SMAD9: variants seen among roughly 807,000 people sequenced by gnomAD.
The protein encoded by SMAD9 is MAD homolog 9.
Under a neutral mutation model 46.1 loss-of-function variants are expected in SMAD9, and 36 were observed. The ratio of observed to expected loss-of-function variants is 0.78; its 90% CI spans 0.60 to 1.03. The LOEUF is 1.03. SMAD9 is among the 50% of genes least tolerant of loss of function. SMAD9 has a pLI of 0.00. For synonymous variants in SMAD9, 245 were observed against 237.1 expected (o/e 1.03, Z -0.31); for missense variants, 572 against 599.8 (o/e 0.95, Z 0.48).
intron 1 of SMAD9, among the ~76,000 whole-genome samples, chr13:36,900,722 CACACAT>C (rs1157334922): frequency 5.7e-4 from 75 of 132,224 alleles, no homozygotes; most frequent in South Asian, 2.2e-3. Flanking sequence ...CACACACACA[CACACAT>C]AAATGTAAAT....
At chr13:36,889,052 A>T (rs2058470160) in intron 1 of SMAD9, among the ~76,000 whole-genome samples, 1 of 152,216 alleles carries the variant, frequency 6.6e-6, no homozygotes, top group African/African-American at 2.4e-5. Context: ...AGGACTGCAG[A>T]AGAGTGGGAA....
At chr13:36,891,281 A>G (rs1260947098) in intron 1 of SMAD9, among the ~76,000 whole-genome samples, 2 of 152,156 alleles carry the variant, frequency 1.3e-5, no homozygotes, top group East Asian at 3.8e-4. Context: ...TCTTTGATTC[A>G]GTCAACAAGT....
At chr13:36,880,755 G>A (rs899095974) in intron 1 of SMAD9, among the ~76,000 whole-genome samples, 3 of 152,036 alleles carry the variant, frequency 2.0e-5, no homozygotes, top group Non-Finnish European at 4.4e-5. Flanking sequence ...CATTTATTAA[G>A]CCAAGTATTA....
chr13:36,886,157 A>G (rs2058443090), intron 1 of SMAD9, among the ~76,000 whole-genome samples: 1 of 152,208 alleles, frequency 6.6e-6, no homozygotes, highest in South Asian at 2.1e-4. Flanking sequence ...CAAGGAACAC[A>G]GAGATTAAGT....
chr13:36,895,077 T>C (rs1309769250), intron 1 of SMAD9, among the ~76,000 whole-genome samples: 2 of 152,154 alleles, frequency 1.3e-5, no homozygotes, highest in African/African-American at 4.8e-5. Flanking sequence ...CCTGTCAGCT[T>C]TAGGTTAGAT....
chr13:36,872,041 C>G (rs1291195406), intron 3 of SMAD9, among the ~76,000 whole-genome samples: 4 of 152,144 alleles, frequency 2.6e-5, no homozygotes, highest in African/African-American at 9.7e-5. Context: ...ATCCACTTTA[C>G]AGGTATGGTA....
intron 3 of SMAD9, among the ~76,000 whole-genome samples, chr13:36,869,891 A>G (rs979304348): frequency 1.5e-4 from 23 of 152,226 alleles, no homozygotes; most frequent in African/African-American, 4.6e-4. Context: ...CTTGAAAAAA[A>G]TTAACATATG....
intron 1 of SMAD9, among the ~76,000 whole-genome samples, chr13:36,896,638 G>A (rs575179007): frequency 7.3e-5 from 11 of 151,506 alleles, no homozygotes; most frequent in East Asian, 1.9e-4. Context: ...TTCCCTTCTC[G>A]GAAATTTGTG....
intron 1 of SMAD9, among the ~76,000 whole-genome samples, chr13:36,906,553 C>A (rs1006555797): frequency 1.3e-5 from 2 of 152,078 alleles, no homozygotes; most frequent in South Asian, 2.1e-4. Flanking sequence ...TCAACAACAA[C>A]AAAAAACAAA....
chr13:36,854,641 G>C (rs1461238666), intron 5 of SMAD9, among the ~76,000 whole-genome samples: 3 of 151,986 alleles, frequency 2.0e-5, no homozygotes, highest in African/African-American at 7.2e-5. Flanking sequence ...CAAAGTGCTG[G>C]GATTACAGGC....
chr13:36,863,681 C>G (rs373676273), intron 5 of SMAD9, among the ~76,000 whole-genome samples: 1 of 152,064 alleles, frequency 6.6e-6, no homozygotes, highest in South Asian at 2.1e-4. Flanking sequence ...CCTGCCAGAT[C>G]AGTTTGTTAA....
intron 4 of SMAD9, among the ~76,000 whole-genome samples, 180 bp downstream of exon 4, chr13:36,867,093 A>C (rs1593569919): frequency 6.6e-6 from 1 of 152,354 alleles, no homozygotes; most frequent in East Asian, 1.9e-4. Flanking sequence ...CAAAACATTA[A>C]TTCTATTGTA....
chr13:36,875,523 T>A (rs1009902797), intron 2 of SMAD9, among the ~76,000 whole-genome samples: 2 of 152,132 alleles, frequency 1.3e-5, no homozygotes, highest in Non-Finnish European at 2.9e-5. Flanking sequence ...ACATGGATCA[T>A]AAACCATTAA....
At position 36,895,318 on chromosome 13, in the gene SMAD9, T is replaced by A. The variant is rs77414361; in HGVS notation, c.-186-15443A>T. Among the ~76,000 whole-genome samples, 2,104 of 152,270 alleles carry A rather than the reference T, an allele frequency of 0.014. 111 individuals are homozygous for A. The East Asian group carries it at 0.18, about 13-fold the overall frequency. On this transcript the variant is annotated intron_variant, in intron 1 of 6. Transcript: ENST00000379826. Reference sequence around the variant, plus strand: ...ACTAAAACATGAGCTCACTTGCATCTCTGTATCGATCTAAAGATCTAGCAT... The same window carrying A: ...ACTAAAACATGAGCTCACTTGCATCACTGTATCGATCTAAAGATCTAGCAT...
At chr13:36,917,066 A>T (rs2058703883) in intron 1 of SMAD9, among the ~76,000 whole-genome samples, 1 of 152,160 alleles carries the variant, frequency 6.6e-6, no homozygotes, top group South Asian at 2.1e-4. Context: ...GCAGAATACA[A>T]GTCAGGCAAG....
chr13:36,895,753 G>A lies in SMAD9; in HGVS notation c.-186-15878C>T, dbSNP rs1015218436. The stretch of plus-strand genomic sequence containing the variant: ...GAATCCTAGGCATAGGAAATTCAGT[G>A]CTTTTTTTTTAAGTTGGCCTAGGGA... On this transcript the variant is annotated intron_variant, in intron 1 of 6. Transcript: ENST00000379826. Among the ~76,000 whole-genome samples the A allele has an allele frequency of 3.3e-5, 5 of 152,212 alleles. No individual in the cohort carries two copies. In the Middle Eastern group the frequency reaches 0.01, roughly 311 times the overall value.
At chr13:36,914,884 A>T (rs1210152502) in intron 1 of SMAD9, among the ~76,000 whole-genome samples, 2 of 152,240 alleles carry the variant, frequency 1.3e-5, no homozygotes, top group African/African-American at 4.8e-5. Context: ...TCCATAGCCC[A>T]CAAGTACGTA....
At chr13:36,889,419 C>A (rs1016482352) in intron 1 of SMAD9, among the ~76,000 whole-genome samples, 1 of 152,154 alleles carries the variant, frequency 6.6e-6, no homozygotes, top group African/African-American at 2.4e-5. Context: ...ATCACGAGCT[C>A]CTACTTGTCC....
At chr13:36,886,464 G>A (rs1163997175) in intron 1 of SMAD9, among the ~76,000 whole-genome samples, 1 of 152,244 alleles carries the variant, frequency 6.6e-6, no homozygotes, top group Non-Finnish European at 1.5e-5. Context: ...AAAGGGGCAT[G>A]AAGCACAACA....
Sources: allele counts gnomAD v4.1 joint callset (sites outside exome capture counted in the v4.1 genomes callset), GRCh38; gene constraint gnomAD v4.1.1; transcripts MANE v1.5; gene names NCBI Gene and HGNC (gene_info 2026-07-23, HGNC 2026-07-21).